ROBO2: variants seen among roughly 807,000 people sequenced by gnomAD.
ROBO2 encodes the protein roundabout guidance receptor 2.
A neutral mutation model predicts 160.8 loss-of-function variants in ROBO2; 53 were observed. That is an observed-to-expected ratio of 0.33 (90% confidence interval 0.26 to 0.41). The LOEUF is 0.41. Among genes scored for constraint, ROBO2 ranks in the 10% least tolerant of loss-of-function variants. The pLI is 1.00. For missense variants in ROBO2, 1,577 were observed against 1,722.4 expected (o/e 0.92, Z 1.49); for synonymous variants, 664 against 611.7 (o/e 1.09, Z -1.26).
At chr3:77,528,566 A>G (rs1053067636) in intron 6 of ROBO2, among the ~76,000 whole-genome samples, 8 of 151,574 alleles carry the variant, frequency 5.3e-5, no homozygotes, top group Non-Finnish European at 1.0e-4. Flanking sequence ...CTCCCTTTTG[A>G]TTAGTAATTT....
intron 1 of ROBO2, among the ~76,000 whole-genome samples, chr3:77,093,006 G>A (rs925613366): frequency 2.0e-5 from 3 of 152,024 alleles, no homozygotes; most frequent in Non-Finnish European, 4.4e-5. Context: ...AAGCTTCACA[G>A]GCTATGTAAG....
At chr3:76,146,792 C>A (rs1250199732) in intron 2 of ROBO2, among the ~76,000 whole-genome samples, 1 of 127,286 alleles carries the variant, frequency 7.9e-6, no homozygotes, top group Non-Finnish European at 1.6e-5. Context: ...CACAGACACC[C>A]ACTGCCCAAG....
At chr3:76,221,050 G>C (rs1703933085) in intron 2 of ROBO2, among the ~76,000 whole-genome samples, 1 of 152,174 alleles carries the variant, frequency 6.6e-6, no homozygotes, top group Non-Finnish European at 1.5e-5. Flanking sequence ...AGGATCTCCT[G>C]TGTTGTAGAT....
Position 76,436,655 on chromosome 3 carries a change from A to T in ROBO2, c.109+499053A>T, listed in dbSNP as rs1482572982. 3.9e-5 allele frequency among the ~76,000 whole-genome samples: 6 copies of T among 152,342 alleles called. No individual in the cohort carries two copies. In the East Asian group the frequency reaches 1.2e-3, roughly 29 times the overall value. On this transcript the variant is annotated intron_variant, in intron 2 of 26. Coordinates refer to the ROBO2 transcript ENST00000487694. ...ATGTGCTTAAAGTTATACAGAAAAT[A>T]GAATAAAGTTAATACCAAACTTGAA...
chr3:76,867,010 G>A (rs1271337374), intron 2 of ROBO2, among the ~76,000 whole-genome samples: 1 of 152,058 alleles, frequency 6.6e-6, no homozygotes, highest in African/African-American at 2.4e-5. Context: ...ATCTGACAAC[G>A]TAACAGTAGC....
At chr3:76,692,946 G>A (rs1262477362) in intron 2 of ROBO2, among the ~76,000 whole-genome samples, 1 of 149,912 alleles carries the variant, frequency 6.7e-6, no homozygotes, top group Non-Finnish European at 1.5e-5. Context: ...TATATATAGT[G>A]TACATACACA....
At chr3:75,975,298 T>G (rs2065107188) in intron 2 of ROBO2, among the ~76,000 whole-genome samples, 1 of 151,444 alleles carries the variant, frequency 6.6e-6, no homozygotes, top group Non-Finnish European at 1.5e-5. Flanking sequence ...ATAGGTACTT[T>G]TGCAAGGCCA....
At chr3:76,669,651 G>A (rs2092187222) in intron 2 of ROBO2, among the ~76,000 whole-genome samples, 1 of 152,122 alleles carries the variant, frequency 6.6e-6, no homozygotes, top group East Asian at 1.9e-4. Flanking sequence ...GTAAATGGAT[G>A]GACCTCCATC....
intron 14 of ROBO2, among the ~76,000 whole-genome samples, chr3:77,576,474 C>T (rs1031838451): frequency 3.3e-5 from 5 of 152,020 alleles, no homozygotes; most frequent in South Asian, 4.1e-4. Flanking sequence ...CTGTTAAGAA[C>T]GATGTTATGT....
intron 2 of ROBO2, among the ~76,000 whole-genome samples, chr3:76,256,507 G>A (rs1327280625): frequency 6.6e-6 from 1 of 151,954 alleles, no homozygotes; most frequent in East Asian, 1.9e-4. Context: ...AGAAATTCCA[G>A]ACCAGCCTGG....
chr3:76,120,668 C>G (rs2070713315), intron 2 of ROBO2, among the ~76,000 whole-genome samples: 1 of 152,116 alleles, frequency 6.6e-6, no homozygotes, highest in Admixed American at 6.6e-5. Context: ...AGAAAGTACT[C>G]CTTATATATT....
chr3:76,366,609 G>T (rs2075823131), intron 2 of ROBO2, among the ~76,000 whole-genome samples: 1 of 151,884 alleles, frequency 6.6e-6, no homozygotes, highest in African/African-American at 2.4e-5. Flanking sequence ...GCTTACATAA[G>T]ATTAAATTTT....
intron 2 of ROBO2, among the ~76,000 whole-genome samples, chr3:77,273,785 G>T (rs1025543434): frequency 6.6e-6 from 1 of 152,168 alleles, no homozygotes; most frequent in Non-Finnish European, 1.5e-5. Flanking sequence ...GGCCAGGGTT[G>T]GGGAGGGAAT....
intron 2 of ROBO2, among the ~76,000 whole-genome samples, chr3:76,325,159 A>G (rs993724150): frequency 1.3e-5 from 2 of 152,246 alleles, no homozygotes; most frequent in Admixed American, 1.3e-4. Context: ...CCTAACTTAA[A>G]ATATTTTTAA....
At chr3:76,594,404 T>C in intron 2 of ROBO2, among the ~76,000 whole-genome samples, 1 of 151,902 alleles carries the variant, frequency 6.6e-6, no homozygotes, top group Non-Finnish European at 1.5e-5. Flanking sequence ...AAAGGAAAAA[T>C]AAAGCACAAA....
chr3:76,563,825 T>A (rs2084348176), intron 2 of ROBO2, among the ~76,000 whole-genome samples: 1 of 152,228 alleles, frequency 6.6e-6, no homozygotes, highest in Non-Finnish European at 1.5e-5. Flanking sequence ...AGCAATTTTT[T>A]AAACTTAAAT....
chr3:76,493,032 A>G (rs964759611), intron 2 of ROBO2, among the ~76,000 whole-genome samples: 1 of 152,094 alleles, frequency 6.6e-6, no homozygotes, highest in Non-Finnish European at 1.5e-5. Flanking sequence ...ACTGGAAGAG[A>G]CATCCGTATT....
At chr3:77,192,440 G>T (rs2081939960) in intron 2 of ROBO2, among the ~76,000 whole-genome samples, 1 of 151,918 alleles carries the variant, frequency 6.6e-6, no homozygotes, top group African/African-American at 2.4e-5. Flanking sequence ...TTTAAATGTT[G>T]AATGTAGCTA....
intron 2 of ROBO2, among the ~76,000 whole-genome samples, chr3:76,104,525 A>C (rs2069837156): frequency 6.6e-6 from 1 of 152,306 alleles, no homozygotes; most frequent in Admixed American, 6.5e-5. Context: ...AATTGGTTGG[A>C]TTAATTGTCA....
Sources: gnomAD v4.1 joint callset for allele counts (sites outside exome capture counted in the v4.1 genomes callset) on GRCh38, gnomAD v4.1.1 for gene constraint, MANE v1.5 for transcripts, NCBI Gene and HGNC (gene_info 2026-07-23, HGNC 2026-07-21) for gene names.